The following TSPAN15 variants were observed in gnomAD, a reference collection of about 807,000 sequenced individuals.
TSPAN15 encodes tetraspanin-15.
Under a neutral mutation model 34.5 loss-of-function variants are expected in TSPAN15, and 20 were observed. The observed-to-expected ratio is 0.58, with a 90% CI of 0.41 to 0.84. The LOEUF (loss-of-function observed/expected upper bound fraction) is 0.84, where lower values mean the gene tolerates loss of function less well. Among genes scored for constraint, TSPAN15 ranks in the 40% least tolerant of loss-of-function variants. The pLI is 0.00. For missense variants in TSPAN15, 313 were observed against 386.1 expected, an observed-to-expected ratio of 0.81 and a Z score of 1.59; for synonymous variants, 155 against 153.9, an observed-to-expected ratio of 1.01 and a Z score of -0.05.
In TSPAN15 at chr10:69,470,092, A is replaced by G. The variant is rs146524514; in HGVS notation, c.97-13599A>G. 1.6e-3 allele frequency among the ~76,000 whole-genome samples: 241 copies of G among 152,326 alleles called. 2 individuals are homozygous for G. In the South Asian group the frequency reaches 0.017, roughly 11 times the overall value. ...GTCTCTTTAATCTCCCCCAGGCTAGACTATCCTTACTTCTTTTGAGTCCTT... is the reference window on the plus strand; with the variant it reads ...GTCTCTTTAATCTCCCCCAGGCTAGGCTATCCTTACTTCTTTTGAGTCCTT... On this transcript the variant is annotated intron_variant, in intron 1 of 7. Transcript: ENST00000373290.
rs1458912824 is a variant in TSPAN15, at chr10:69,499,049, A to AGTGC, written c.570+654_570+655insTGCG. Among the ~76,000 whole-genome samples, 7 of 152,348 alleles carry AGTGC rather than the reference A, an allele frequency of 4.6e-5. No homozygotes were observed. In the East Asian group the frequency reaches 1.2e-3, roughly 25 times the overall value. ...TAAATGCCATCCTCTTCCTCTCCCC[A>AGTGC]GCACGATCCTCTCGGGTCTGTCACC... On this transcript the variant is annotated intron_variant, in intron 5 of 7. Transcript: ENST00000373290.
At chr10:69,513,711 G>A in the TSPAN15 span, among the ~76,000 whole-genome samples, 8 of 152,194 alleles carry the variant, frequency 5.3e-5, no homozygotes, top group African/African-American at 7.2e-5. Context: ...ATTATGTAAC[G>A]CTCTTACATT....
the TSPAN15 span, among the ~76,000 whole-genome samples, chr10:69,529,830 T>C: frequency 5.4e-5 from 8 of 147,148 alleles, 1 homozygote; most frequent in African/African-American, 1.5e-4. Flanking sequence ...TAGTCTTTTA[T>C]TCCTCACCCC....
intron 1 of TSPAN15, among the ~76,000 whole-genome samples, chr10:69,478,944 T>G (rs1380135442): frequency 6.6e-6 from 1 of 152,240 alleles, no homozygotes; most frequent in Non-Finnish European, 1.5e-5. Flanking sequence ...TACTTCAGTT[T>G]GTTGCCCACA....
the TSPAN15 span, among the ~76,000 whole-genome samples, chr10:69,535,283 G>A: frequency 6.6e-6 from 1 of 152,072 alleles, no homozygotes; most frequent in Non-Finnish European, 1.5e-5. Flanking sequence ...AGCCACAAAG[G>A]TTATGTCAAA....
chr10:69,543,011 A>T, the TSPAN15 span, among the ~76,000 whole-genome samples: 5 of 152,144 alleles, frequency 3.3e-5, no homozygotes, highest in African/African-American at 1.2e-4. Flanking sequence ...GGGGTGGGGT[A>T]TTTGTCTTTC....
chr10:69,472,824 C>T (rs1040295664), intron 1 of TSPAN15, among the ~76,000 whole-genome samples: 12 of 152,202 alleles, frequency 7.9e-5, no homozygotes, highest in Admixed American at 2.6e-4. Flanking sequence ...TGGGCCCTAA[C>T]CACTTTCTGT....
chr10:69,500,807 C>T (rs1842189529), intron 5 of TSPAN15, among the ~76,000 whole-genome samples: 1 of 152,028 alleles, frequency 6.6e-6, no homozygotes, highest in East Asian at 1.9e-4. Context: ...TCTGGGTATC[C>T]CATGGCCTGG....
At chr10:69,512,641 T>C (rs1296140728), downstream of TSPAN15, among the ~76,000 whole-genome samples, 1 of 152,248 alleles carries the variant, frequency 6.6e-6, no homozygotes, top group African/African-American at 2.4e-5. Flanking sequence ...TCTGTCTCTA[T>C]AAATTACTTG....
intron 1 of TSPAN15, among the ~76,000 whole-genome samples, 157 bp downstream of exon 1, chr10:69,451,847 C>T (rs530639763): frequency 6.6e-6 from 1 of 152,338 alleles, no homozygotes; most frequent in East Asian, 1.9e-4. Context: ...TTCGGGCGGC[C>T]AGAGCTCAGC....
intron 3 of TSPAN15, among the ~76,000 whole-genome samples, chr10:69,490,820 C>A (rs191640255): frequency 6.6e-6 from 1 of 152,342 alleles, no homozygotes; most frequent in Admixed American, 6.5e-5. Context: ...TAGTTTGTAT[C>A]ATTTTTTACT....
At chr10:69,507,753 G>A (rs144127096), downstream of TSPAN15, 1,095 of 911,646 alleles carry the variant, frequency 1.2e-3, 22 homozygotes, top group Admixed American at 0.028. Flanking sequence ...GTGGATGCGA[G>A]GATGAAGGGG....
chr10:69,522,460 A>G, the TSPAN15 span, among the ~76,000 whole-genome samples: 1 of 132,230 alleles, frequency 7.6e-6, no homozygotes. Context: ...TTTTTATTGT[A>G]GGAATGCTTT....
chr10:69,472,935 A>G (rs1841536372), intron 1 of TSPAN15, among the ~76,000 whole-genome samples: 1 of 152,130 alleles, frequency 6.6e-6, no homozygotes. Flanking sequence ...GCAGACTGTG[A>G]AGTTGTTGAG....
intron 1 of TSPAN15, among the ~76,000 whole-genome samples, chr10:69,479,909 G>A (rs1222223348): frequency 1.3e-5 from 2 of 152,148 alleles, no homozygotes; most frequent in East Asian, 3.9e-4. Context: ...GAGAAATAGG[G>A]CCTAGGATTG....
chr10:69,530,831 T>C, the TSPAN15 span, among the ~76,000 whole-genome samples: 1 of 76,018 alleles, frequency 1.3e-5, no homozygotes, highest in Non-Finnish European at 2.5e-5. Context: ...TATATATATA[T>C]ATATATATAT....
intron 1 of TSPAN15, among the ~76,000 whole-genome samples, chr10:69,460,178 C>T (rs1237279761): frequency 2.0e-5 from 3 of 151,970 alleles, no homozygotes; most frequent in Non-Finnish European, 4.4e-5. Context: ...CTGGTCTGAC[C>T]CCTAGGGTGT....
chr10:69,542,444 A>G, the TSPAN15 span, among the ~76,000 whole-genome samples: 6 of 152,186 alleles, frequency 3.9e-5, no homozygotes, highest in African/African-American at 1.2e-4. Flanking sequence ...TTATACTAGT[A>G]TGTCACTCCT....
the TSPAN15 span, among the ~76,000 whole-genome samples, chr10:69,527,669 A>G: frequency 6.8e-6 from 1 of 147,866 alleles, no homozygotes; most frequent in Non-Finnish European, 1.5e-5. Flanking sequence ...GCTGCATGCA[A>G]CCTTTTAGCC....
Sources: gnomAD v4.1 joint callset for allele counts (sites outside exome capture counted in the v4.1 genomes callset) on GRCh38, gnomAD v4.1.1 for gene constraint, MANE v1.5 for transcripts, NCBI Gene and HGNC (gene_info 2026-07-23, HGNC 2026-07-21) for gene names.